The following PPP1CC variants were observed in gnomAD, a reference collection of about 807,000 sequenced individuals.
PPP1CC encodes the protein serine/threonine-protein phosphatase PP1-gamma catalytic subunit.
PPP1CC carries 16 observed loss-of-function variants against 38.4 expected under a neutral mutation model. That is an observed-to-expected ratio of 0.42 (90% CI 0.28 to 0.63). The LOEUF (loss-of-function observed/expected upper bound fraction) is 0.63. Among genes scored for constraint, PPP1CC ranks in the 30% least tolerant of loss-of-function variants. The probability of loss-of-function intolerance (pLI) is 0.25; values close to 1 mark genes in which losing one functional copy is unlikely to be tolerated. For missense variants in PPP1CC, 170 were observed against 391.3 expected (o/e 0.43, Z 4.77); for synonymous variants, 158 against 136.0 (o/e 1.16, Z -1.13).
chr12:110,721,172 A>G lies in PPP1CC; in HGVS notation c.883-7T>C. On this transcript the variant is annotated splice_polypyrimidine_tract_variant and splice_region_variant and intron_variant, in intron 6 of 6. Coordinates refer to ENST00000335007, the MANE Select transcript of PPP1CC (RefSeq NM_002710.4). ...TCTCTGCAGGCTTTAAAATCTGGAG[A>G]TTCAAAAGACAGTTAATTTAGGAAA... 2 of 1,611,798 alleles carry G rather than the reference A, an allele frequency of 1.2e-6. No homozygotes were observed. The highest frequency in any genetic ancestry group is 1.7e-6 in the Non-Finnish European group (2 of 1,178,516).
Position 110,720,911 on chromosome 12 carries a change from G to T in PPP1CC, c.*165C>A. Reference sequence around the variant, plus strand: ...TTTTGGAGTGAAGAGTCTTTCATTTGCTGTTATAACCAGCAAATGCCATTC... The same window carrying T: ...TTTTGGAGTGAAGAGTCTTTCATTTTCTGTTATAACCAGCAAATGCCATTC... On this transcript the variant is annotated 3_prime_UTR_variant, in exon 7 of 7. Transcript: ENST00000335007. The T allele has an allele frequency of 1.9e-6, 1 of 534,610 alleles. No homozygotes were observed. The highest frequency in any genetic ancestry group is 3.3e-6 in the Non-Finnish European group (1 of 299,668). The allele number at this position is 534,610 out of a possible 1,614,324, so 33.1% of individuals were successfully genotyped here.
chr12:110,710,719 A>G, the PPP1CC span, among the ~76,000 whole-genome samples: 1 of 84,186 alleles, frequency 1.2e-5, no homozygotes, highest in Admixed American at 1.2e-4. Context: ...CTCTGTCTCA[A>G]AAAAAAAAAA....
At chr12:110,712,635 CAAAA>C in the PPP1CC span, among the ~76,000 whole-genome samples, 810 of 37,632 alleles carry the variant, frequency 0.022, 13 homozygotes, top group African/African-American at 0.081. Flanking sequence ...GAAACTGTCT[CAAAA>C]AAAAAAAAAA....
chr12:110,717,751 G>T (rs899817226), downstream of PPP1CC, among the ~76,000 whole-genome samples: 7 of 152,074 alleles, frequency 4.6e-5, no homozygotes, highest in South Asian at 4.1e-4. Flanking sequence ...CAAACATGAG[G>T]AAGACATTCC....
chr12:110,738,597 C>G (rs2069974926), intron 1 of PPP1CC, among the ~76,000 whole-genome samples: 1 of 152,178 alleles, frequency 6.6e-6, no homozygotes, highest in African/African-American at 2.4e-5. Flanking sequence ...ATCAAATCAC[C>G]TCACTAATTT....
chr12:110,718,595 G>A (rs549316879), downstream of PPP1CC, among the ~76,000 whole-genome samples: 47 of 152,072 alleles, frequency 3.1e-4, no homozygotes, highest in African/African-American at 9.7e-4. Flanking sequence ...GCAAAGACAC[G>A]AAAGAACTGG....
Position 110,722,902 on chromosome 12 carries a change from G to A in PPP1CC, c.524-207C>T, listed in dbSNP as rs2069755789. Among the ~76,000 whole-genome samples, 1 of 152,208 alleles carries A rather than the reference G, an allele frequency of 6.6e-6. No homozygotes were observed. Among genetic ancestry groups the A allele is most frequent in the Admixed American group, 6.5e-5 (1 of 15,284 alleles). Reference sequence around the variant, plus strand: ...ACACACTAGAATTACATGCAGTAATGCATGGGGTGCAGTAGGTTTAAACAG... The same window carrying A: ...ACACACTAGAATTACATGCAGTAATACATGGGGTGCAGTAGGTTTAAACAG... On this transcript the variant is annotated intron_variant, in intron 4 of 6. Transcript: ENST00000335007. This position sits in a 1 kb window ranked among gnomAD's most constrained non-coding sequence, Gnocchi z 5.4.
intron 3 of PPP1CC, among the ~76,000 whole-genome samples, chr12:110,728,709 T>C (rs1368123874): frequency 6.6e-6 from 1 of 152,198 alleles, no homozygotes; most frequent in African/African-American, 2.4e-5. Flanking sequence ...ACTGTTAATA[T>C]TGAATACCTT....
chr12:110,739,450 G>C (rs2069987274), intron 1 of PPP1CC, among the ~76,000 whole-genome samples: 1 of 151,786 alleles, frequency 6.6e-6, no homozygotes, highest in African/African-American at 2.4e-5. Flanking sequence ...ACCAGGGATG[G>C]CTAAACACCA....
At chr12:110,730,234 C>A (rs1434843379) in intron 3 of PPP1CC, among the ~76,000 whole-genome samples, 1 of 152,232 alleles carries the variant, frequency 6.6e-6, no homozygotes, top group Non-Finnish European at 1.5e-5. Context: ...TGATGCATGT[C>A]TGCAGTCCTA....
intron 1 of PPP1CC, among the ~76,000 whole-genome samples, chr12:110,738,719 CACA>C (rs1156655062): frequency 1.3e-5 from 2 of 152,192 alleles, no homozygotes; most frequent in South Asian, 2.1e-4. Context: ...CCCCCGCAAG[CACA>C]ACGTCACACA....
chr12:110,734,406 C>T (rs1398656209), intron 1 of PPP1CC, among the ~76,000 whole-genome samples: 7 of 152,202 alleles, frequency 4.6e-5, no homozygotes, highest in African/African-American at 1.4e-4. Context: ...TGCAATGGCA[C>T]GATCTCGGCT....
At chr12:110,740,911 A>G (rs992075050) in intron 1 of PPP1CC, among the ~76,000 whole-genome samples, 1 of 152,234 alleles carries the variant, frequency 6.6e-6, no homozygotes, top group Non-Finnish European at 1.5e-5. Context: ...AAATAAAGCC[A>G]CACATATCCC....
chr12:110,731,741 A>G (rs1027634733), intron 2 of PPP1CC, 29 bp downstream of exon 2: 3 of 1,588,496 alleles, frequency 1.9e-6, no homozygotes, highest in African/African-American at 2.7e-5. Context: ...ATCATGTAAC[A>G]AAAGATAACC....
intron 1 of PPP1CC, among the ~76,000 whole-genome samples, chr12:110,733,172 G>T (rs990075510): frequency 1.3e-5 from 2 of 152,168 alleles, no homozygotes; most frequent in Non-Finnish European, 2.9e-5. Flanking sequence ...TGAAAGATGG[G>T]ATCCCCACTT....
At chr12:110,724,007 G>C (rs1469554377) in intron 4 of PPP1CC, among the ~76,000 whole-genome samples, 2 of 152,142 alleles carry the variant, frequency 1.3e-5, no homozygotes, top group Non-Finnish European at 2.9e-5. Flanking sequence ...GGGAGGCCGA[G>C]GCGGGCAGAT....
chr12:110,731,186 A>G (rs888390794), intron 2 of PPP1CC, among the ~76,000 whole-genome samples: 7 of 149,636 alleles, frequency 4.7e-5, no homozygotes, highest in African/African-American at 1.7e-4. Context: ...GCACATACAC[A>G]CATACACACC....
At chr12:110,710,017 A>G in the PPP1CC span, among the ~76,000 whole-genome samples, 1 of 150,824 alleles carries the variant, frequency 6.6e-6, no homozygotes, top group Non-Finnish European at 1.5e-5. Context: ...ATAAAAATGT[A>G]GTAATTAAAA....
At chr12:110,731,649 T>C (rs1430899339) in intron 2 of PPP1CC, 121 bp downstream of exon 2, 2 of 1,054,764 alleles carry the variant, frequency 1.9e-6, no homozygotes, top group Non-Finnish European at 2.6e-6. Flanking sequence ...TACTTTTAAG[T>C]AGTTCCAAGC....
Sources: allele counts gnomAD v4.1 joint callset (sites outside exome capture counted in the v4.1 genomes callset), GRCh38; gene constraint gnomAD v4.1.1; non-coding constraint Gnocchi (gnomAD v3.1); transcripts MANE v1.5; gene names NCBI Gene and HGNC (gene_info 2026-07-23, HGNC 2026-07-21).